The following RECQL variants were observed in gnomAD, a reference collection of about 807,000 sequenced individuals.
RECQL encodes the protein ATP-dependent DNA helicase Q1.
Under a neutral mutation model 75.8 loss-of-function variants are expected in RECQL, and 73 were observed. The observed-to-expected ratio is 0.96, with a 90% confidence interval of 0.80 to 1.17. The LOEUF is 1.17. RECQL is among the 50% of genes most tolerant of loss of function. The probability of loss-of-function intolerance (pLI) is 0.00; values close to 1 mark genes in which losing one functional copy is unlikely to be tolerated. For missense variants in RECQL, 699 were observed against 772.1 expected, an observed-to-expected ratio of 0.91 and a Z score of 1.12; for synonymous variants, 248 against 254.4, an observed-to-expected ratio of 0.97 and a Z score of 0.24.
chr12:21,488,659 C>T (rs1403209561), intron 4 of RECQL, among the ~76,000 whole-genome samples: 3 of 152,162 alleles, frequency 2.0e-5, no homozygotes, highest in Non-Finnish European at 4.4e-5. Flanking sequence ...CTTGTCCAAG[C>T]CTAAAATTTG....
intron 12 of RECQL, 93 bp from the exon 13 acceptor site, chr12:21,471,740 G>A: frequency 3.2e-6 from 3 of 947,160 alleles, no homozygotes; most frequent in South Asian, 1.4e-5. Context: ...TTTAAAGCTG[G>A]TTATCAATGT....
intron 4 of RECQL, among the ~76,000 whole-genome samples, chr12:21,487,047 T>C (rs749107293): frequency 1.1e-4 from 17 of 152,158 alleles, no homozygotes; most frequent in African/African-American, 4.1e-4. Flanking sequence ...TAAAGCTTAC[T>C]TCTTACTCTC....
At position 21,474,970 on chromosome 12, in the gene RECQL, T is replaced by TCATCTCGA; in HGVS notation, c.1218_1225dup (p.Asp409ValfsTer5). ...GTACAAAATACAGTCTGCTTTCATG[T>TCATCTCGA]CATCTCGACCTGTGGTGTGAGAAAC... is the stretch of plus-strand genomic sequence containing the variant. On this transcript the variant is annotated frameshift_variant, in exon 11 of 15. Transcript: ENST00000444129. LOFTEE classifies it high-confidence loss of function. 1 of 1,612,292 alleles carries TCATCTCGA rather than the reference T, an allele frequency of 6.2e-7. No homozygotes were observed. The highest frequency in any genetic ancestry group is 8.5e-7 in the Non-Finnish European group (1 of 1,178,782).
At chr12:21,470,563 T>C in intron 14 of RECQL, 2 of 622,184 alleles carry the variant, frequency 3.2e-6, no homozygotes, top group Non-Finnish European at 4.9e-6. Context: ...AGACCTCAAA[T>C]GTCCTTAGAC....
chr12:21,477,771 A>C, intron 7 of RECQL, 32 bp downstream of exon 7: 1 of 1,547,484 alleles, frequency 6.5e-7, no homozygotes, highest in Non-Finnish European at 8.8e-7. Flanking sequence ...AATTCTTCAC[A>C]AAAGTAAGGA....
intron 3 of RECQL, among the ~76,000 whole-genome samples, chr12:21,490,794 C>T (rs543274549): frequency 6.6e-6 from 1 of 152,140 alleles, no homozygotes; most frequent in Admixed American, 6.5e-5. Context: ...TTTGAGGCTG[C>T]AGTGAGTTGT....
chr12:21,491,673 T>G lies in RECQL; in HGVS notation c.60A>C (p.Ala20=), dbSNP rs1316150039. The part of the protein sequence containing the change: ...ELDSITSELH[A]VEIQIQELTE... ...TAAGTTCTTGAATTTGAATTTCTACTGCATGTAGCTCACTGGTTATAGAAT... is the reference window on the plus strand; with the variant it reads ...TAAGTTCTTGAATTTGAATTTCTACGGCATGTAGCTCACTGGTTATAGAAT... The change falls in exon 3 of 15, where the codon GCA becomes GCC. Residue 20 remains alanine, a synonymous_variant. Transcript: ENST00000444129. 1 of 1,613,740 alleles carries G rather than the reference T, an allele frequency of 6.2e-7. No homozygotes were observed. Among genetic ancestry groups the G allele is most frequent in the Non-Finnish European group, 8.5e-7 (1 of 1,179,850 alleles).
In RECQL at chr12:21,473,390, A is replaced by C. The variant is rs917852; in HGVS notation, c.1447+161T>G. Among the ~76,000 whole-genome samples, 149,820 of 152,206 alleles carry C rather than the reference A, an allele frequency of 0.98. 73,793 individuals carry two copies. The highest frequency in any genetic ancestry group is 1 in the East Asian group (5,164 of 5,164). The stretch of plus-strand genomic sequence containing the variant: ...GGTAGCCTAGGATCAATAGGCTATA[A>C]CATATCACCTAGGAGACTATACCAT... On this transcript the variant is annotated intron_variant, in intron 12 of 14. Coordinates refer to ENST00000444129, the MANE Select transcript of RECQL (RefSeq NM_002907.4).
intron 12 of RECQL, among the ~76,000 whole-genome samples, chr12:21,472,820 C>CTATA (rs1428700880): frequency 6.6e-6 from 1 of 152,036 alleles, no homozygotes; most frequent in Admixed American, 6.6e-5. Context: ...AAGTGATTCT[C>CTATA]TATAGTCTCT....
chr12:21,477,931 T>C lies in RECQL; in HGVS notation c.739A>G (p.Asn247Asp). Residue 247 changes from asparagine (N) to aspartate (D), a missense_variant, in exon 7 of 15, where the codon AAC becomes GAC. This residue lies in a region of RECQL where 669 missense variants were observed against 713.5 expected (regional missense o/e 0.94). Coordinates refer to ENST00000444129, the MANE Select transcript of RECQL (RefSeq NM_002907.4). ...ALGILKRQFP[N>D]ASLIGLTATA... is the part of the protein sequence containing the mutation. ...GCAGTCAGCCCAATTAGTGATGCGT[T>C]AGGGAACTGCCGCTTTAAGATACCA... The C allele has an allele frequency of 6.2e-7, 1 of 1,612,460 alleles. No homozygotes were observed. Among genetic ancestry groups the C allele is most frequent in the Non-Finnish European group, 8.5e-7 (1 of 1,179,488 alleles).
rs13035 is a variant in RECQL, at chr12:21,470,188, T to G, written c.*6A>C. 0.43 allele frequency: 697,001 copies of G among 1,610,240 alleles called. 155,493 individuals are homozygous for G. Among genetic ancestry groups the G allele is most frequent in the South Asian group, 0.5 (44,988 of 90,774 alleles). ...TCTTTAATTAGAAAATTTAGTAACA[T>G]TCATATCAGGCATCATCGATTTTTC... On this transcript the variant is annotated 3_prime_UTR_variant, in exon 15 of 15. Coordinates refer to ENST00000444129, the MANE Select transcript of RECQL (RefSeq NM_002907.4).
intron 2 of RECQL, among the ~76,000 whole-genome samples, chr12:21,498,137 A>T (rs1031812505): frequency 1.3e-5 from 2 of 152,208 alleles, no homozygotes; most frequent in African/African-American, 4.8e-5. Context: ...ACAGAAGGCT[A>T]ATGTTCAAGA....
intron 3 of RECQL, 117 bp downstream of exon 3, chr12:21,491,402 A>T: frequency 2.1e-6 from 2 of 941,140 alleles, no homozygotes; most frequent in South Asian, 1.8e-5. Context: ...CCACTGGAGA[A>T]ATGGCCAGTT....
chr12:21,488,704 C>G (rs999110440), intron 4 of RECQL, among the ~76,000 whole-genome samples: 1 of 152,114 alleles, frequency 6.6e-6, no homozygotes, highest in Non-Finnish European at 1.5e-5. Flanking sequence ...TCCTTTCCCC[C>G]CAAGCAATAA....
At chr12:21,479,670 A>G (rs534573461) in intron 6 of RECQL, among the ~76,000 whole-genome samples, 1 of 152,308 alleles carries the variant, frequency 6.6e-6, no homozygotes, top group Middle Eastern at 3.4e-3. Flanking sequence ...TAATTTTTAA[A>G]GACCTATGCT....
chr12:21,486,656 CGTTTTTTTTTTTTTTTTTT>C lies in RECQL; in HGVS notation c.395-90_395-72del, dbSNP rs1943307951. 11 of 161,210 alleles carry C rather than the reference CGTTTTTTTTTTTTTTTTTT, an allele frequency of 6.8e-5. 2 individuals carry two copies. Among genetic ancestry groups the C allele is most frequent in the East Asian group, 2.2e-4 (1 of 4,458 alleles). The allele number at this position is 161,210 out of a possible 1,614,324, so 10.0% of individuals were successfully genotyped here. A position where few individuals can be genotyped will look rare whatever the true frequency, so the allele number is the denominator to read the frequency against. On this transcript the variant is annotated intron_variant, in intron 4 of 14. Transcript: ENST00000444129. ...CTCAGAATCAGATGCAAACCATTCACGTTTTTTTTTTTTTTTTTTTTTTTTTTTTTTAGAGATGGAGTCT... is the reference window on the plus strand; with the variant it reads ...CTCAGAATCAGATGCAAACCATTCACTTTTTTTTTTTTAGAGATGGAGTCT...
At chr12:21,479,350 ATTTTT>A (rs11366827) in intron 6 of RECQL, among the ~76,000 whole-genome samples, 1 of 116,308 alleles carries the variant, frequency 8.6e-6, no homozygotes. Context: ...TCATCATGTA[ATTTTT>A]TTTTTTTTTT....
At chr12:21,491,859 GAGTCATATAGACCTA>G (rs1213740032) in intron 2 of RECQL, 143 bp from the exon 3 acceptor site, 2 of 734,324 alleles carry the variant, frequency 2.7e-6, no homozygotes, top group Non-Finnish European at 4.3e-6. Context: ...GCATGTTTTT[GAGTCATATAGACCTA>G]AGTTAAATCT....
At chr12:21,496,458 ACT>A (rs1389189895) in intron 2 of RECQL, among the ~76,000 whole-genome samples, 6 of 152,122 alleles carry the variant, frequency 3.9e-5, no homozygotes, top group Non-Finnish European at 7.4e-5. Flanking sequence ...AGCTATATCT[ACT>A]CTCTAGCCCT....
Sources: gnomAD v4.1 joint callset for allele counts (sites outside exome capture counted in the v4.1 genomes callset) on GRCh38, gnomAD v4.1.1 for gene constraint, gnomAD v4.1.1 regional missense constraint, MANE v1.5 for transcripts, NCBI Gene and HGNC (gene_info 2026-07-23, HGNC 2026-07-21) for gene names.